Variants in FRMD6 observed in about 807,000 individuals in gnomAD.
The protein encoded by FRMD6 is FERM domain-containing protein 6.
FRMD6 carries 37 observed loss-of-function variants against 73.2 expected under a neutral mutation model. The ratio of observed to expected loss-of-function variants is 0.51; its 90% CI spans 0.39 to 0.66. FRMD6 has a LOEUF of 0.66. FRMD6 is among the 30% of genes least tolerant of loss of function. The pLI, the probability that FRMD6 is intolerant of heterozygous loss-of-function variation, is 0.00. For missense variants in FRMD6, 714 were observed against 780.5 expected, an observed-to-expected ratio of 0.91 and a Z score of 1.02; for synonymous variants, 273 against 282.2, an observed-to-expected ratio of 0.97 and a Z score of 0.33.
At chr14:51,712,325 A>T (rs1264954655) in intron 8 of FRMD6, among the ~76,000 whole-genome samples, 158 bp from the exon 9 acceptor site, 1 of 152,232 alleles carries the variant, frequency 6.6e-6, no homozygotes, top group African/African-American at 2.4e-5. Flanking sequence ...AATTGTTATC[A>T]TGAATCTTTT....
chr14:51,685,855 T>TTACC (rs1895113406), intron 1 of FRMD6, among the ~76,000 whole-genome samples: 2 of 152,196 alleles, frequency 1.3e-5, no homozygotes, highest in Admixed American at 1.3e-4. Context: ...CAAATAAATA[T>TTACC]TACCGTACTG....
chr14:51,507,083 G>GACACACACACAC lies in FRMD6; in HGVS notation c.-210+17706_-210+17717dup, dbSNP rs200052672. 1.5e-3 allele frequency among the ~76,000 whole-genome samples: 213 copies of GACACACACACAC among 139,086 alleles called. 2 individuals are homozygous for GACACACACACAC. The highest frequency in any genetic ancestry group is 4.8e-3 in the South Asian group (19 of 3,986). 91.2% of individuals were successfully genotyped at this position (139,086 alleles called of 152,430 possible). A position where few individuals can be genotyped will look rare whatever the true frequency, so the allele number is the denominator to read the frequency against. On this transcript the variant is annotated intron_variant, in intron 1 of 14. Coordinates refer to the FRMD6 transcript ENST00000356218. ...TGAAATGATTAGAATTGGTTGTATA[G>GACACACACACAC]ACACACACACACACACACACACACA...
At chr14:51,605,344 C>G (rs537712395) in intron 2 of FRMD6, among the ~76,000 whole-genome samples, 7 of 152,096 alleles carry the variant, frequency 4.6e-5, no homozygotes, top group Non-Finnish European at 7.4e-5. Flanking sequence ...TGACTCTTAA[C>G]GAGCATGCTG....
intron 1 of FRMD6, among the ~76,000 whole-genome samples, chr14:51,496,008 G>A (rs1555369948): frequency 6.6e-6 from 1 of 152,168 alleles, no homozygotes; most frequent in African/African-American, 2.4e-5. Flanking sequence ...CTGTGTGGCT[G>A]GAATACAAGA....
chr14:51,638,509 T>C (rs2357114), intron 2 of FRMD6, among the ~76,000 whole-genome samples: 113,425 of 152,034 alleles, frequency 0.75, 42,832 homozygotes, highest in Non-Finnish European at 0.81. Flanking sequence ...AGCCTCTTGT[T>C]CCATGCTAGA....
the FRMD6 span, among the ~76,000 whole-genome samples, chr14:51,433,694 T>C: frequency 2.6e-5 from 4 of 152,292 alleles, no homozygotes; most frequent in East Asian, 7.7e-4. Context: ...GTGGAAAGAA[T>C]GGGAAATGAG....
intron 1 of FRMD6, among the ~76,000 whole-genome samples, chr14:51,524,447 G>T (rs1049108796): frequency 1.7e-4 from 26 of 151,940 alleles, no homozygotes; most frequent in African/African-American, 5.1e-4. Flanking sequence ...GGGACCTCTG[G>T]GGGCAAGGAG....
the FRMD6 span, among the ~76,000 whole-genome samples, chr14:51,446,295 CATCTTTGGGAAA>C: frequency 6.6e-6 from 1 of 152,148 alleles, no homozygotes; most frequent in Admixed American, 6.5e-5. Context: ...TTCTCCTTTT[CATCTTTGGGAAA>C]ATTTACCCTA....
intron 2 of FRMD6, among the ~76,000 whole-genome samples, chr14:51,576,542 C>T (rs978029602): frequency 2.0e-5 from 3 of 152,124 alleles, no homozygotes; most frequent in Non-Finnish European, 2.9e-5. Flanking sequence ...CTTCAATATG[C>T]GACCTCCTTC....
At chr14:51,514,673 C>A (rs1373557524) in intron 1 of FRMD6, among the ~76,000 whole-genome samples, 1 of 152,064 alleles carries the variant, frequency 6.6e-6, no homozygotes, top group Non-Finnish European at 1.5e-5. Flanking sequence ...TATGATGAAA[C>A]CCTGTCTCTA....
chr14:51,705,846 A>G (rs138143613), intron 6 of FRMD6, among the ~76,000 whole-genome samples: 1 of 152,280 alleles, frequency 6.6e-6, no homozygotes, highest in Non-Finnish European at 1.5e-5. Context: ...CAGTTGCTTT[A>G]TATTAACATA....
chr14:51,492,267 G>A (rs1300476934), intron 1 of FRMD6, among the ~76,000 whole-genome samples: 3 of 152,184 alleles, frequency 2.0e-5, no homozygotes, highest in Non-Finnish European at 4.4e-5. Context: ...CTCAGGTAGA[G>A]TTTGGGAAAT....
upstream of FRMD6, among the ~76,000 whole-genome samples, chr14:51,484,233 A>C (rs77417186): frequency 0.02 from 3,095 of 152,316 alleles, 115 homozygotes; most frequent in African/African-American, 0.071. Context: ...ATGATTTCAG[A>C]ATGAATTGCT....
At chr14:51,454,066 C>T in the FRMD6 span, among the ~76,000 whole-genome samples, 1 of 152,196 alleles carries the variant, frequency 6.6e-6, no homozygotes, top group Non-Finnish European at 1.5e-5. Flanking sequence ...CGATGCCCCG[C>T]CAGCAGCCAG....
At chr14:51,538,062 T>C (rs980491701) in intron 1 of FRMD6, among the ~76,000 whole-genome samples, 2 of 152,200 alleles carry the variant, frequency 1.3e-5, no homozygotes, top group Admixed American at 6.5e-5. Flanking sequence ...TGATCTTATA[T>C]CTAAAAAGTC....
At chr14:51,575,749 G>C (rs186420582) in intron 2 of FRMD6, 1 of 152,130 alleles carries the variant, frequency 6.6e-6, no homozygotes, top group Non-Finnish European at 1.5e-5. Flanking sequence ...CTTGTTTTAC[G>C]TTTGCAGATG....
chr14:51,674,851 A>G (rs1033584996), intron 1 of FRMD6, among the ~76,000 whole-genome samples: 1 of 152,102 alleles, frequency 6.6e-6, no homozygotes, highest in African/African-American at 2.4e-5. Context: ...GGTAGGTCAA[A>G]TGGAGGTGAC....
At chr14:51,621,629 A>G (rs1302473110) in intron 2 of FRMD6, among the ~76,000 whole-genome samples, 1 of 152,214 alleles carries the variant, frequency 6.6e-6, no homozygotes, top group Non-Finnish European at 1.5e-5. Context: ...TTGCATCTCT[A>G]AATGACAGGT....
At chr14:51,711,486 AAT>A (rs1358174494) in intron 7 of FRMD6, 43 bp from the exon 8 acceptor site, 1 of 1,337,920 alleles carries the variant, frequency 7.5e-7, no homozygotes, top group Non-Finnish European at 1.0e-6. Flanking sequence ...CTGTAGAAAA[AAT>A]ATATAAAAAC....
Sources: allele counts gnomAD v4.1 joint callset (sites outside exome capture counted in the v4.1 genomes callset), GRCh38; gene constraint gnomAD v4.1.1; transcripts MANE v1.5; gene names NCBI Gene and HGNC (gene_info 2026-07-23, HGNC 2026-07-21).